GALNT17: variants seen among roughly 807,000 people sequenced by gnomAD.
GALNT17 encodes UDP-GalNAc:polypeptide N-acetylgalactosaminyltransferase-like 3.
A neutral mutation model predicts 63.7 loss-of-function variants in GALNT17; 29 were observed. That is an observed-to-expected ratio of 0.46 (90% confidence interval 0.34 to 0.62). GALNT17 has a LOEUF of 0.62. Ranked by LOEUF, GALNT17 falls within the 20% of genes least tolerant of loss-of-function variation. GALNT17 has a pLI of 0.01. For synonymous variants in GALNT17, 305 were observed against 318.3 expected (o/e 0.96, Z 0.45); for missense variants, 603 against 799.6 (o/e 0.75, Z 2.97).
chr7:71,484,496 C>T (rs11979250), intron 5 of GALNT17, among the ~76,000 whole-genome samples: 3,242 of 152,154 alleles, frequency 0.021, 46 homozygotes, highest in African/African-American at 0.03. Context: ...TCAAAAAAAA[C>T]TAGTATGTAT....
chr7:71,533,243 A>G lies in GALNT17; in HGVS notation c.963-38042A>G, dbSNP rs1308184253. Among the ~76,000 whole-genome samples the G allele has an allele frequency of 5.3e-5, 8 of 152,354 alleles. No homozygotes were observed. In the East Asian group the frequency reaches 1.4e-3, roughly 26 times the overall value. ...ATGTTCATTTTCCCTGCCAGAATCC[A>G]TAAAACAAACATGATGTATAATAAA... On this transcript the variant is annotated intron_variant, in intron 5 of 10. Coordinates refer to ENST00000333538, the MANE Select transcript of GALNT17 (RefSeq NM_022479.3).
chr7:71,602,716 A>G (rs532535484), intron 6 of GALNT17, among the ~76,000 whole-genome samples: 1 of 152,264 alleles, frequency 6.6e-6, no homozygotes, highest in South Asian at 2.1e-4. Flanking sequence ...GAGGGCCCCA[A>G]AAGTTCATGT....
rs1342001076 is a variant in GALNT17 at position 71,326,753 on chromosome 7, TTCTAGTGACAGCTGTA to T, written c.239-8793_239-8778del. On this transcript the variant is annotated intron_variant, in intron 1 of 10. Coordinates refer to ENST00000333538, the MANE Select transcript of GALNT17 (RefSeq NM_022479.3). ...TACTTGCCCCAGCCTGGGCATCCTT[TTCTAGTGACAGCTGTA>T]TCTCGTGACTCATTTCCTTATCACC... 6.6e-5 allele frequency among the ~76,000 whole-genome samples: 10 copies of T among 152,180 alleles called. No individual in the cohort carries two copies. The East Asian group carries it at 1.9e-3, about 29-fold the overall frequency.
intron 1 of GALNT17, among the ~76,000 whole-genome samples, chr7:71,318,400 T>TC (rs979452816): frequency 4.1e-5 from 6 of 145,234 alleles, no homozygotes; most frequent in Non-Finnish European, 9.0e-5. Flanking sequence ...CTACGACCAT[T>TC]CCCTGAAGCT....
chr7:71,366,572 T>C (rs1277766724), intron 2 of GALNT17, among the ~76,000 whole-genome samples: 1 of 149,116 alleles, frequency 6.7e-6, no homozygotes, highest in Admixed American at 6.6e-5. Context: ...AGAGCGAGAC[T>C]CTGTCTCAAA....
chr7:71,164,110 A>G (rs148342985), intron 1 of GALNT17, among the ~76,000 whole-genome samples: 109 of 152,270 alleles, frequency 7.2e-4, no homozygotes, highest in African/African-American at 2.5e-3. Flanking sequence ...GTGTCTGGCT[A>G]TCTTGTCCTA....
chr7:71,445,572 C>T (rs1787147518), intron 5 of GALNT17, among the ~76,000 whole-genome samples: 1 of 152,068 alleles, frequency 6.6e-6, no homozygotes, highest in Non-Finnish European at 1.5e-5. Flanking sequence ...CTGTCAGGAG[C>T]TGGTTCCAGA....
intron 1 of GALNT17, among the ~76,000 whole-genome samples, chr7:71,275,045 G>A (rs1033863359): frequency 3.3e-5 from 5 of 152,146 alleles, no homozygotes; most frequent in South Asian, 2.1e-4. Context: ...TTGGGAGTTC[G>A]GCTCTTGAAC....
intron 6 of GALNT17, among the ~76,000 whole-genome samples, chr7:71,646,126 G>A (rs192280849): frequency 1.1e-4 from 16 of 152,248 alleles, no homozygotes; most frequent in Admixed American, 3.3e-4. Flanking sequence ...ATACACCATC[G>A]TGGAACAGAG....
chr7:71,677,537 T>G (rs2117067664), intron 9 of GALNT17, among the ~76,000 whole-genome samples: 1 of 151,348 alleles, frequency 6.6e-6, no homozygotes, highest in Non-Finnish European at 1.5e-5. Context: ...TTTTTTGAGA[T>G]GGCGTCTCAC....
At chr7:71,307,727 T>C (rs1791332333) in intron 1 of GALNT17, 1 of 152,232 alleles carries the variant, frequency 6.6e-6, no homozygotes, top group Non-Finnish European at 1.5e-5. Context: ...TTAAGCATAC[T>C]CATTAGAAGG....
At chr7:71,657,882 ATGGATGGATGGATGGATGGATGGG>A (rs1233520973) in intron 6 of GALNT17, among the ~76,000 whole-genome samples, 540 of 23,556 alleles carry the variant, frequency 0.023, 8 homozygotes, top group African/African-American at 0.061. Context: ...GGATGGATGG[ATGGATGGATGGATGGATGGATGGG>A]TGGATGGATG....
chr7:71,517,168 A>T (rs1466566787), intron 5 of GALNT17, among the ~76,000 whole-genome samples: 1 of 152,190 alleles, frequency 6.6e-6, no homozygotes, highest in African/African-American at 2.4e-5. Context: ...AGGCTGGGAC[A>T]TTCAAGGTCA....
intron 5 of GALNT17, among the ~76,000 whole-genome samples, chr7:71,561,416 A>G (rs1789253826): frequency 6.6e-6 from 1 of 152,190 alleles, no homozygotes; most frequent in South Asian, 2.1e-4. Flanking sequence ...GGATTTGCAG[A>G]CATTCATACC....
At chr7:71,298,587 C>T (rs956099035) in intron 1 of GALNT17, among the ~76,000 whole-genome samples, 3 of 152,042 alleles carry the variant, frequency 2.0e-5, no homozygotes, top group African/African-American at 7.2e-5. Flanking sequence ...CAGCTGGAGC[C>T]AGACTGTCCT....
chr7:71,302,815 T>C (rs979329784), intron 1 of GALNT17, among the ~76,000 whole-genome samples: 1 of 152,226 alleles, frequency 6.6e-6, no homozygotes, highest in African/African-American at 2.4e-5. Context: ...TTTATGCATG[T>C]AATTAACATA....
intron 1 of GALNT17, among the ~76,000 whole-genome samples, chr7:71,149,472 G>T (rs914549116): frequency 7.2e-5 from 11 of 152,030 alleles, no homozygotes; most frequent in African/African-American, 1.9e-4. Context: ...AGGACTGTAG[G>T]GGGGGCGAAA....
At chr7:71,247,844 T>G (rs900094285) in intron 1 of GALNT17, among the ~76,000 whole-genome samples, 1 of 152,238 alleles carries the variant, frequency 6.6e-6, no homozygotes, top group African/African-American at 2.4e-5. Context: ...GTATATCATA[T>G]TCTTACAATA....
intron 3 of GALNT17, among the ~76,000 whole-genome samples, chr7:71,414,225 A>G (rs1306090378): frequency 1.3e-5 from 2 of 152,194 alleles, no homozygotes; most frequent in Non-Finnish European, 2.9e-5. Context: ...TGGGCAACGA[A>G]AGAGAAACTC....
Sources: gnomAD v4.1 joint callset for allele counts (sites outside exome capture counted in the v4.1 genomes callset) on GRCh38, gnomAD v4.1.1 for gene constraint, MANE v1.5 for transcripts, NCBI Gene and HGNC (gene_info 2026-07-23, HGNC 2026-07-21) for gene names.